Variants in SAMD13 observed in about 807,000 individuals in gnomAD.
SAMD13 encodes sterile alpha motif domain-containing protein 13.
SAMD13 carries 9 observed loss-of-function variants against 12.4 expected under a neutral mutation model. That is an observed-to-expected ratio of 0.72 (90% CI 0.44 to 1.26). The LOEUF is 1.26. SAMD13 is among the 50% of genes most tolerant of loss of function. The probability of loss-of-function intolerance (pLI) is 0.00; values close to 1 mark genes in which losing one functional copy is unlikely to be tolerated. For missense variants in SAMD13, 84 were observed against 119.6 expected (o/e 0.70, Z 1.39); for synonymous variants, 46 against 45.4 (o/e 1.01, Z -0.05).
chr1:84,312,156 T>G (rs933832680), intron 2 of SAMD13, among the ~76,000 whole-genome samples: 1 of 146,798 alleles, frequency 6.8e-6, no homozygotes, highest in African/African-American at 2.5e-5. Flanking sequence ...TTGTTTTTTT[T>G]GTCTATGTAA....
At chr1:84,336,387 G>T (rs2101814158) in intron 3 of SAMD13, among the ~76,000 whole-genome samples, 1 of 152,312 alleles carries the variant, frequency 6.6e-6, no homozygotes, top group East Asian at 1.9e-4. Flanking sequence ...TGGACTTACA[G>T]TCCCACATGG....
rs1294662643 is a variant in SAMD13, at chr1:84,306,122, C to T, written c.53+2835C>T. ...TCCAACAAATGAACACAGTATTTTT[C>T]TCCATTTGCTTATGTCTTCTTTAAT... On this transcript the variant is annotated intron_variant, in intron 2 of 3. Transcript: ENST00000394834. 5.3e-5 allele frequency among the ~76,000 whole-genome samples: 8 copies of T among 152,004 alleles called. No individual in the cohort carries two copies. In the East Asian group the frequency reaches 1.5e-3, roughly 29 times the overall value.
At chr1:84,313,449 A>T (rs1678760227) in intron 2 of SAMD13, among the ~76,000 whole-genome samples, 4 of 152,144 alleles carry the variant, frequency 2.6e-5, no homozygotes, top group Admixed American at 2.6e-4. Flanking sequence ...ATGTGCATAT[A>T]TATTCAAATC....
chr1:84,341,442 A>AT (rs1370521785), intron 3 of SAMD13, among the ~76,000 whole-genome samples: 2 of 152,122 alleles, frequency 1.3e-5, no homozygotes. Context: ...GCCAGCTGAG[A>AT]TTGGTACACT....
chr1:84,303,250 A>C lies in SAMD13; in HGVS notation c.16A>C (p.Met6Leu). ...CAGCCTTCCCATGCTATCTGTTGACATGGAAAACAAGGAAAATGGCTCTGT... is the reference window on the plus strand; with the variant it reads ...CAGCCTTCCCATGCTATCTGTTGACCTGGAAAACAAGGAAAATGGCTCTGT... MLSVD[M>L]ENKENGSVGV... Residue 6 changes from methionine to leucine, a missense_variant, in exon 2 of 4, where the codon ATG becomes CTG. Coordinates refer to ENST00000394834, the MANE Select transcript of SAMD13 (RefSeq NM_001134663.2). The C allele has an allele frequency of 6.2e-7, 1 of 1,613,196 alleles. No homozygotes were observed. The highest frequency in any genetic ancestry group is 8.5e-7 in the Non-Finnish European group (1 of 1,179,268).
intron 3 of SAMD13, among the ~76,000 whole-genome samples, chr1:84,347,199 ACT>A (rs1679551900): frequency 6.6e-6 from 1 of 152,090 alleles, no homozygotes. Context: ...TCTCTATTCC[ACT>A]GTCATTCCTT....
At chr1:84,300,750 G>A (rs184538780), upstream of SAMD13, among the ~76,000 whole-genome samples, 286 of 152,332 alleles carry the variant, frequency 1.9e-3, 1 homozygote, top group Admixed American at 6.9e-3. Flanking sequence ...CAAGGGAACT[G>A]TGAGAATGAC....
intron 3 of SAMD13, among the ~76,000 whole-genome samples, chr1:84,339,149 C>A (rs547054640): frequency 1.3e-5 from 2 of 152,292 alleles, no homozygotes; most frequent in South Asian, 4.1e-4. Flanking sequence ...GTCATTTCAG[C>A]CATTTCAGTC....
chr1:84,309,344 T>A (rs1480908024), intron 2 of SAMD13, among the ~76,000 whole-genome samples: 2 of 152,198 alleles, frequency 1.3e-5, no homozygotes, highest in Non-Finnish European at 2.9e-5. Context: ...CTTGTGTCGT[T>A]GCTGCAAGAG....
chr1:84,316,259 TA>T (rs1678830624), intron 2 of SAMD13, among the ~76,000 whole-genome samples: 1 of 27,482 alleles, frequency 3.6e-5, no homozygotes, highest in Admixed American at 2.8e-4. Flanking sequence ...TTTTGTTGCC[TA>T]TGCTTTTTGG....
At chr1:84,337,949 G>A (rs1679338174) in intron 3 of SAMD13, among the ~76,000 whole-genome samples, 1 of 152,178 alleles carries the variant, frequency 6.6e-6, no homozygotes, top group African/African-American at 2.4e-5. Context: ...AATGCCACCA[G>A]TCTCTTTGCT....
At chr1:84,298,553 C>T (rs771249624), upstream of SAMD13, 58 of 1,273,010 alleles carry the variant, frequency 4.6e-5, no homozygotes, top group Non-Finnish European at 5.6e-5. Context: ...CCTCCCGGCG[C>T]GGCCATGCGG....
chr1:84,316,048 C>T (rs1436346203), intron 2 of SAMD13, among the ~76,000 whole-genome samples: 1 of 151,978 alleles, frequency 6.6e-6, no homozygotes, highest in African/African-American at 2.4e-5. Flanking sequence ...GTCCTTCGAC[C>T]ATTTTTTCAA....
intron 1 of SAMD13, chr1:84,302,716 C>CT (rs1343505198): frequency 2.1e-5 from 21 of 983,188 alleles, no homozygotes; most frequent in Non-Finnish European, 2.5e-5. Flanking sequence ...CTGACAAAAG[C>CT]TTTAAGTGTC....
chr1:84,298,608 C>T (rs369429359), upstream of SAMD13: 2 of 1,277,736 alleles, frequency 1.6e-6, no homozygotes, highest in East Asian at 2.9e-5. Context: ...GGGAAGGCGC[C>T]CGCCCTCTCC....
Position 84,350,031 on chromosome 1 carries a change from A to G in SAMD13, c.*257A>G. 4.4e-6 allele frequency: 2 copies of G among 451,968 alleles called. No individual in the cohort carries two copies. Among genetic ancestry groups the G allele is most frequent in the Non-Finnish European group, 6.6e-6 (2 of 301,238 alleles). 28.0% of individuals were successfully genotyped at this position (451,968 alleles called of 1,614,324 possible). A position where few individuals can be genotyped will look rare whatever the true frequency, so the allele number is the denominator to read the frequency against. ...TAGATGATCTTTGACACGATTAGAC[A>G]CTCCTCCCCACAAAGGCTTTGAAAT... On this transcript the variant is annotated 3_prime_UTR_variant, in exon 4 of 4. Coordinates refer to ENST00000394834, the MANE Select transcript of SAMD13 (RefSeq NM_001134663.2).
intron 3 of SAMD13, among the ~76,000 whole-genome samples, chr1:84,335,435 G>C (rs77980149): frequency 1.3e-5 from 2 of 152,200 alleles, no homozygotes; most frequent in East Asian, 3.9e-4. Flanking sequence ...GCCTGTGCGT[G>C]TCATTACATG....
intron 3 of SAMD13, among the ~76,000 whole-genome samples, chr1:84,332,689 C>T (rs558059539): frequency 8.6e-4 from 131 of 152,130 alleles, no homozygotes; most frequent in African/African-American, 3.1e-3. Flanking sequence ...TGTTTGTTTG[C>T]CCTGTTGATA....
intron 3 of SAMD13, among the ~76,000 whole-genome samples, chr1:84,341,536 G>C (rs773279039): frequency 2.6e-5 from 4 of 152,086 alleles, no homozygotes; most frequent in Non-Finnish European, 4.4e-5. Flanking sequence ...AAGCTGGATT[G>C]CTGGACTCAT....
Sources: allele counts gnomAD v4.1 joint callset (sites outside exome capture counted in the v4.1 genomes callset), GRCh38; gene constraint gnomAD v4.1.1; transcripts MANE v1.5; gene names NCBI Gene and HGNC (gene_info 2026-07-23, HGNC 2026-07-21).